EIF2D: variants seen among roughly 807,000 people sequenced by gnomAD.
The protein encoded by EIF2D is eukaryotic translation initiation factor 2D.
EIF2D carries 56 observed loss-of-function variants against 77.4 expected under a neutral mutation model. That is an observed-to-expected ratio of 0.72 (90% CI 0.58 to 0.90). The LOEUF (loss-of-function observed/expected upper bound fraction) is 0.90, where lower values mean the gene tolerates loss of function less well. Ranked by LOEUF, EIF2D falls within the 40% of genes least tolerant of loss-of-function variation. EIF2D has a pLI of 0.00. For missense variants in EIF2D, 574 were observed against 706.5 expected (o/e 0.81, Z 2.13); for synonymous variants, 230 against 271.0 (o/e 0.85, Z 1.49).
At chr1:206,582,675 C>A (rs1668941230) in intron 2 of EIF2D, among the ~76,000 whole-genome samples, 1 of 152,236 alleles carries the variant, frequency 6.6e-6, no homozygotes, top group Non-Finnish European at 1.5e-5. Context: ...TAGATATTTA[C>A]TTCTTGCTAT....
At chr1:206,591,105 T>C (rs879964586), downstream of EIF2D, among the ~76,000 whole-genome samples, 3 of 152,168 alleles carry the variant, frequency 2.0e-5, no homozygotes, top group Non-Finnish European at 2.9e-5. Context: ...CGTTAAGAAG[T>C]TGGGGCTGAA....
At chr1:206,575,453 G>C (rs79183123) in intron 4 of EIF2D, among the ~76,000 whole-genome samples, 3,919 of 152,264 alleles carry the variant, frequency 0.026, 73 homozygotes, top group Non-Finnish European at 0.035. Flanking sequence ...TGCGTAGACC[G>C]GCTTGGGCTT....
chr1:206,579,889 T>G lies in EIF2D; in HGVS notation c.*254+803A>C, dbSNP rs528797042. 6.6e-6 allele frequency among the ~76,000 whole-genome samples: 1 copy of G among 152,168 alleles called. No individual in the cohort carries two copies. The highest frequency in any genetic ancestry group is 1.5e-5 in the Non-Finnish European group (1 of 68,016). The stretch of plus-strand genomic sequence containing the variant: ...CTAATTCAGGAGGTGATTCATTTGG[T>G]CCATGGGTCACATCTTGTCTGCCAG... On this transcript the variant is annotated intron_variant and NMD_transcript_variant, in intron 4 of 5. Transcript: ENST00000472709. The surrounding 1 kb of genome is among the most constrained non-coding windows in gnomAD (Gnocchi z 4.2).
Position 206,599,623 on chromosome 1 carries a change from G to A in EIF2D, c.1053-11C>T. ...ACGAAAGATGTAATCCTAAAACCCA[G>A]CAGAAGGAAAGAAAAAACACATTTT... On this transcript the variant is annotated splice_polypyrimidine_tract_variant and intron_variant, in intron 9 of 14. Coordinates refer to ENST00000271764, the MANE Select transcript of EIF2D (RefSeq NM_006893.3). This position sits in a 1 kb window ranked among gnomAD's most constrained non-coding sequence, Gnocchi z 4.1. The A allele has an allele frequency of 6.2e-7, 1 of 1,600,780 alleles. No individual in the cohort carries two copies. The highest frequency in any genetic ancestry group is 8.5e-7 in the Non-Finnish European group (1 of 1,173,446).
intron 1 of EIF2D, among the ~76,000 whole-genome samples, chr1:206,611,753 C>T (rs1259704377): frequency 6.6e-6 from 1 of 152,220 alleles, no homozygotes; most frequent in Non-Finnish European, 1.5e-5. Flanking sequence ...GCCATGAGAC[C>T]TATAGACAAC....
At chr1:206,606,556 TG>T (rs1164632749) in intron 4 of EIF2D, among the ~76,000 whole-genome samples, 1 of 152,094 alleles carries the variant, frequency 6.6e-6, no homozygotes. Flanking sequence ...GATAGAATAC[TG>T]GGGGAGAAAA....
chr1:206,610,595 C>T (rs539395582), intron 2 of EIF2D, among the ~76,000 whole-genome samples: 190 of 152,058 alleles, frequency 1.2e-3, no homozygotes, highest in Non-Finnish European at 2.3e-3. Context: ...CCGAGGCGGG[C>T]GGATCATGAG....
chr1:206,586,845 C>G (rs150973687), downstream of EIF2D: 2 of 1,613,828 alleles, frequency 1.2e-6, no homozygotes, highest in East Asian at 2.2e-5. Context: ...TTCTCCATCC[C>G]TGAACTTCAG....
At position 206,584,932 on chromosome 1, in the gene EIF2D, G is replaced by C; in HGVS notation, c.139-3770C>G. The C allele has an allele frequency of 1.7e-6, 1 of 605,766 alleles. No individual in the cohort carries two copies. The highest frequency in any genetic ancestry group is 2.7e-5 in the East Asian group (1 of 36,458). The allele number at this position is 605,766 out of a possible 1,614,324, so 37.5% of individuals were successfully genotyped here. ...CATTTCCTGATCTGTGCAATGGGAG[G>C]AATCTGCCCCACCATTCCTAATCTT... On this transcript the variant is annotated intron_variant and NMD_transcript_variant, in intron 2 of 5. Transcript: ENST00000472709. This position sits in a 1 kb window ranked among gnomAD's most constrained non-coding sequence, Gnocchi z 4.9.
chr1:206,584,807 C>A lies in EIF2D; in HGVS notation c.139-3645G>T. 9.8e-7 allele frequency: 1 copy of A among 1,025,168 alleles called. No individual in the cohort carries two copies. The highest frequency in any genetic ancestry group is 1.4e-6 in the Non-Finnish European group (1 of 691,884). The allele number at this position is 1,025,168 out of a possible 1,614,324, so 63.5% of individuals were successfully genotyped here. A position where few individuals can be genotyped will look rare whatever the true frequency, so the allele number is the denominator to read the frequency against. Reference sequence around the variant, plus strand: ...CTTCTCCTGAGCACCAGGGGTCCAGCTGCCCATGTGGTGTTCAGATCTGTG... The same window carrying A: ...CTTCTCCTGAGCACCAGGGGTCCAGATGCCCATGTGGTGTTCAGATCTGTG... On this transcript the variant is annotated intron_variant and NMD_transcript_variant, in intron 2 of 5. Coordinates refer to the EIF2D transcript ENST00000472709. The surrounding 1 kb of genome is among the most constrained non-coding windows in gnomAD (Gnocchi z 4.9).
At chr1:206,578,001 T>C (rs1668718233) in intron 4 of EIF2D, among the ~76,000 whole-genome samples, 2 of 152,086 alleles carry the variant, frequency 1.3e-5, no homozygotes, top group South Asian at 4.1e-4. Flanking sequence ...AGTGAGAGTA[T>C]TGCTTGAGGC....
At chr1:206,573,531 C>T (rs1553404591) in intron 4 of EIF2D, among the ~76,000 whole-genome samples, 1 of 152,236 alleles carries the variant, frequency 6.6e-6, no homozygotes, top group African/African-American at 2.4e-5. Context: ...CTCACTACTG[C>T]ACTGTAATTC....
chr1:206,590,084 T>C (rs1055810818), downstream of EIF2D, among the ~76,000 whole-genome samples: 5 of 152,246 alleles, frequency 3.3e-5, no homozygotes, highest in African/African-American at 1.2e-4. Flanking sequence ...TACAGATTAT[T>C]TGACTTAGCA....
chr1:206,607,518 C>A (rs566824304), intron 4 of EIF2D, among the ~76,000 whole-genome samples: 2 of 152,076 alleles, frequency 1.3e-5, no homozygotes, highest in East Asian at 3.9e-4. Context: ...CAACTCTTTG[C>A]GAGGCCAAGG....
At chr1:206,590,470 A>G (rs782114332), downstream of EIF2D, among the ~76,000 whole-genome samples, 3 of 152,222 alleles carry the variant, frequency 2.0e-5, no homozygotes, top group Non-Finnish European at 4.4e-5. Context: ...ACCATAGTTC[A>G]TTACTACTAT....
chr1:206,576,131 A>G (rs576292654), intron 4 of EIF2D, among the ~76,000 whole-genome samples: 2 of 152,352 alleles, frequency 1.3e-5, no homozygotes, highest in East Asian at 1.9e-4. Flanking sequence ...GGGAGATGGG[A>G]TTAACATGTG....
chr1:206,587,433 T>C, downstream of EIF2D: 1 of 246,566 alleles, frequency 4.1e-6, no homozygotes, highest in Non-Finnish European at 8.0e-6. Flanking sequence ...ACATTCCTTT[T>C]GCAGGTCTGA....
At chr1:206,590,420 CT>C (rs1462226913), downstream of EIF2D, among the ~76,000 whole-genome samples, 1 of 152,200 alleles carries the variant, frequency 6.6e-6, no homozygotes, top group East Asian at 1.9e-4. Context: ...TGTGAAAGAA[CT>C]TTGCACAGTG....
Position 206,599,215 on chromosome 1 carries a change from C to T in EIF2D, c.1203-123G>A. 3.0e-6 allele frequency: 3 copies of T among 990,082 alleles called. No homozygotes were observed. The highest frequency in any genetic ancestry group is 4.5e-6 in the Non-Finnish European group (3 of 663,534). 61.3% of individuals were successfully genotyped at this position (990,082 alleles called of 1,614,324 possible). The stretch of plus-strand genomic sequence containing the variant: ...CTTAGCTTTCGGCCTCTAGTTTCTT[C>T]CCTTTTCCTGACTGAAGTGAGCATG... On this transcript the variant is annotated intron_variant, in intron 10 of 14. Coordinates refer to ENST00000271764, the MANE Select transcript of EIF2D (RefSeq NM_006893.3). This position sits in a 1 kb window ranked among gnomAD's most constrained non-coding sequence, Gnocchi z 4.1.
Sources: gnomAD v4.1 joint callset for allele counts (sites outside exome capture counted in the v4.1 genomes callset) on GRCh38, gnomAD v4.1.1 for gene constraint, Gnocchi (gnomAD v3.1) non-coding constraint, MANE v1.5 for transcripts, NCBI Gene and HGNC (gene_info 2026-07-23, HGNC 2026-07-21) for gene names.